BICRA: variants seen among roughly 807,000 people sequenced by gnomAD.
The protein encoded by BICRA is BRD4 interacting chromatin remodeling complex associated protein.
A neutral mutation model predicts 96.9 loss-of-function variants in BICRA; 31 were observed. The observed-to-expected ratio is 0.32, with a 90% CI of 0.24 to 0.43. BICRA has a LOEUF of 0.43. Among genes scored for constraint, BICRA ranks in the 20% least tolerant of loss-of-function variants. BICRA has a pLI of 1.00. For missense variants in BICRA, 2,283 were observed against 2,190.3 expected, an observed-to-expected ratio of 1.04 and a Z score of -0.84; for synonymous variants, 1,350 against 1,071.8, an observed-to-expected ratio of 1.26 and a Z score of -5.07.
chr19:47,654,476 C>CTAT (rs1233068420), intron 1 of BICRA, among the ~76,000 whole-genome samples: 14 of 151,580 alleles, frequency 9.2e-5, no homozygotes, highest in African/African-American at 1.9e-4. Flanking sequence ...CAGTATCTTG[C>CTAT]TATTATTATT....
In BICRA at chr19:47,695,007, C is replaced by T. The variant is rs1392326505; in HGVS notation, c.3003C>T (p.Val1001=). ...CCAGCCCCGCTGCGTCTGTGCTGGT[C>T]AGTGGGCAGGCCCCATCTGGGACCC... ...PLTSPAASVL[V]SGQAPSGTPT... is the part of the protein sequence containing the mutation. Residue 1001 remains valine, a synonymous_variant, in exon 9 of 15, where the codon GTC becomes GTT. Coordinates refer to ENST00000594866, the MANE Select transcript of BICRA (RefSeq NM_001394372.1). 3 of 1,533,598 alleles carry T rather than the reference C, an allele frequency of 2.0e-6. No individual in the cohort carries two copies. Among genetic ancestry groups the T allele is most frequent in the Non-Finnish European group, 2.6e-6 (3 of 1,150,466 alleles). 95.0% of individuals were successfully genotyped at this position (1,533,598 alleles called of 1,614,324 possible).
chr19:47,677,664 C>T (rs949867435), intron 5 of BICRA, among the ~76,000 whole-genome samples: 6 of 152,176 alleles, frequency 3.9e-5, no homozygotes, highest in Non-Finnish European at 5.9e-5. Context: ...CATTGCACTC[C>T]AGCCTGGGCA....
At chr19:47,633,086 T>TC (rs1568551692) in intron 1 of BICRA, among the ~76,000 whole-genome samples, 2 of 143,576 alleles carry the variant, frequency 1.4e-5, no homozygotes, top group East Asian at 2.0e-4. Flanking sequence ...ATTTCTTTTT[T>TC]TTTTTTTTTT....
rs532712234 is a variant in BICRA at position 47,699,413 on chromosome 19, G to C, written c.3595+8G>C. On this transcript the variant is annotated splice_region_variant and intron_variant, in intron 14 of 14. Coordinates refer to ENST00000594866, the MANE Select transcript of BICRA (RefSeq NM_001394372.1). This position sits in a 1 kb window ranked among gnomAD's most constrained non-coding sequence, Gnocchi z 5.0. ...TGGCCAAGGAGAAGCCGGGTGAGAG[G>C]GGGGAGTGAGAGGGGAGGGGAGGGA... The C allele has an allele frequency of 6.0e-6, 9 of 1,495,468 alleles. No homozygotes were observed. The highest frequency in any genetic ancestry group is 2.4e-5 in the East Asian group (1 of 40,912). The allele number at this position is 1,495,468 out of a possible 1,614,324, so 92.6% of individuals were successfully genotyped here. A position where few individuals can be genotyped will look rare whatever the true frequency, so the allele number is the denominator to read the frequency against.
At chr19:47,610,150 G>A (rs1174897804) in intron 1 of BICRA, among the ~76,000 whole-genome samples, 1 of 152,126 alleles carries the variant, frequency 6.6e-6, no homozygotes, top group African/African-American at 2.4e-5. Context: ...CGGCCTCCCC[G>A]GGCCCCTGCG....
In BICRA at chr19:47,701,980, G is replaced by A. The variant is rs1289598397; in HGVS notation, c.4248G>A (p.Pro1416=). 9.5e-6 allele frequency: 14 copies of A among 1,469,356 alleles called. No homozygotes were observed. Among genetic ancestry groups the A allele is most frequent in the East Asian group, 2.9e-5 (1 of 34,824 alleles). The allele number at this position is 1,469,356 out of a possible 1,614,324, so 91.0% of individuals were successfully genotyped here. A position where few individuals can be genotyped will look rare whatever the true frequency, so the allele number is the denominator to read the frequency against. ...AGRARGGSPA[P]LPAKVDEATS... ...GGGCACGGGGAGGCAGCCCGGCGCC[G>A]CTGCCCGCCAAAGTGGACGAGGCCA... Residue 1416 remains proline, a synonymous_variant, in exon 15 of 15, where the codon CCG becomes CCA. Coordinates refer to ENST00000594866, the MANE Select transcript of BICRA (RefSeq NM_001394372.1). The surrounding 1 kb of genome is among the most constrained non-coding windows in gnomAD (Gnocchi z 5.4).
chr19:47,652,280 G>C (rs1434647848), intron 1 of BICRA, among the ~76,000 whole-genome samples: 1 of 152,088 alleles, frequency 6.6e-6, no homozygotes, highest in African/African-American at 2.4e-5. Flanking sequence ...CGACCTCCCA[G>C]GCTCAAGCAA....
At chr19:47,673,047 A>C (rs1251147417) in intron 2 of BICRA, among the ~76,000 whole-genome samples, 1 of 151,340 alleles carries the variant, frequency 6.6e-6, no homozygotes, top group Non-Finnish European at 1.5e-5. Flanking sequence ...TGGCTCCCTC[A>C]CTCCTTCACC....
intron 1 of BICRA, among the ~76,000 whole-genome samples, chr19:47,622,932 G>C (rs1299827672): frequency 6.6e-6 from 1 of 150,536 alleles, no homozygotes; most frequent in Admixed American, 6.7e-5. Flanking sequence ...TAGCTACTCA[G>C]GAGGCTGAGG....
rs201703876 is a variant in BICRA, at chr19:47,611,859, A to C, written c.-108+2691A>C. Among the ~76,000 whole-genome samples, 5 of 151,610 alleles carry C rather than the reference A, an allele frequency of 3.3e-5. No homozygotes were observed. The East Asian group carries it at 9.7e-4, about 29-fold the overall frequency. On this transcript the variant is annotated intron_variant, in intron 1 of 14. Coordinates refer to ENST00000594866, the MANE Select transcript of BICRA (RefSeq NM_001394372.1). ...GTGTGGGCACAGGGGAGGAATGTCA[A>C]CTGGTGGCATTTAATTTTTTTTTTT...
intron 1 of BICRA, among the ~76,000 whole-genome samples, chr19:47,642,737 A>T (rs1005593647): frequency 6.6e-6 from 1 of 152,126 alleles, no homozygotes; most frequent in Non-Finnish European, 1.5e-5. Context: ...AAAAAGAAAG[A>T]AAGTGCCAAA....
intron 1 of BICRA, among the ~76,000 whole-genome samples, chr19:47,653,864 C>T (rs1311994015): frequency 6.6e-6 from 1 of 152,122 alleles, no homozygotes; most frequent in African/African-American, 2.4e-5. Flanking sequence ...CTGAGTTTCG[C>T]TCTTGTTGCC....
intron 1 of BICRA, among the ~76,000 whole-genome samples, chr19:47,655,591 G>A (rs1050319292): frequency 1.4e-5 from 2 of 146,244 alleles, no homozygotes; most frequent in Non-Finnish European, 3.0e-5. Context: ...AGTGGCTCAT[G>A]CCTGTAATCC....
At chr19:47,656,576 C>G (rs1016994582) in intron 1 of BICRA, among the ~76,000 whole-genome samples, 3 of 152,174 alleles carry the variant, frequency 2.0e-5, no homozygotes, top group African/African-American at 7.2e-5. Context: ...ACACAGCCAC[C>G]TGGAATAACG....
intron 2 of BICRA, among the ~76,000 whole-genome samples, chr19:47,673,105 G>T (rs774721984): frequency 4.6e-5 from 7 of 152,142 alleles, no homozygotes; most frequent in Non-Finnish European, 8.8e-5. Context: ...TGTCTGGGGA[G>T]GCAGGACAGC....
chr19:47,683,039 C>G (rs1026629828), intron 7 of BICRA, among the ~76,000 whole-genome samples: 1 of 152,122 alleles, frequency 6.6e-6, no homozygotes, highest in South Asian at 2.1e-4. Context: ...TTTATTTAGC[C>G]AGTCTAAATT....
At chr19:47,656,400 G>A (rs2910997) in intron 1 of BICRA, among the ~76,000 whole-genome samples, 110,432 of 152,122 alleles carry the variant, frequency 0.73, 40,533 homozygotes, top group African/African-American at 0.83. Context: ...AGGTGTCTTC[G>A]AACAGAAACA....
intron 1 of BICRA, among the ~76,000 whole-genome samples, chr19:47,629,071 G>A (rs190924250): frequency 8.6e-4 from 130 of 151,926 alleles, no homozygotes; most frequent in African/African-American, 3.1e-3. Flanking sequence ...GCACAATCTC[G>A]GCTCACTGCA....
In BICRA at chr19:47,701,838, C is replaced by T. The variant is rs1338479470; in HGVS notation, c.4106C>T (p.Ala1369Val). Residue 1369 changes from alanine to valine, a missense_variant, in exon 15 of 15, where the codon GCC (alanine) becomes GTC (valine). Transcript: ENST00000594866. The surrounding 1 kb of genome is among the most constrained non-coding windows in gnomAD (Gnocchi z 5.4). ...GGCACGGTGGACCACCCGCCGCCTGCCGCCCCCGAGCGCAAGCCCCTGGGC... is the reference window on the plus strand; with the variant it reads ...GGCACGGTGGACCACCCGCCGCCTGTCGCCCCCGAGCGCAAGCCCCTGGGC... ...MNGTVDHPPP[A>V]APERKPLGTA... The T allele has an allele frequency of 7.9e-6, 12 of 1,520,398 alleles. No individual in the cohort carries two copies. The highest frequency in any genetic ancestry group is 8.8e-6 in the Non-Finnish European group (10 of 1,138,008). 94.2% of individuals were successfully genotyped at this position (1,520,398 alleles called of 1,614,324 possible). A position where few individuals can be genotyped will look rare whatever the true frequency, so the allele number is the denominator to read the frequency against.
Sources: allele counts gnomAD v4.1 joint callset (sites outside exome capture counted in the v4.1 genomes callset), GRCh38; gene constraint gnomAD v4.1.1; non-coding constraint Gnocchi (gnomAD v3.1); transcripts MANE v1.5; gene names NCBI Gene and HGNC (gene_info 2026-07-23, HGNC 2026-07-21).